The following SETDB1 variants were observed in gnomAD, a reference collection of about 807,000 sequenced individuals.
SETDB1 encodes histone-lysine N-methyltransferase SETDB1.
Under a neutral mutation model 137.4 loss-of-function variants are expected in SETDB1, and 31 were observed. The ratio of observed to expected loss-of-function variants is 0.23; its 90% CI spans 0.17 to 0.30. The LOEUF (loss-of-function observed/expected upper bound fraction) is 0.30. Ranked by LOEUF, SETDB1 falls within the 10% of genes least tolerant of loss-of-function variation. The probability of loss-of-function intolerance (pLI) is 1.00; values close to 1 mark genes in which losing one functional copy is unlikely to be tolerated. For synonymous variants in SETDB1, 548 were observed against 579.9 expected (o/e 0.95, Z 0.79); for missense variants, 1,113 against 1,631.5 (o/e 0.68, Z 5.47).
intron 9 of SETDB1, 94 bp downstream of exon 9, chr1:150,945,202 C>A: frequency 6.4e-7 from 1 of 1,552,336 alleles, no homozygotes; most frequent in Non-Finnish European, 8.7e-7. Flanking sequence ...ATTCCATAGC[C>A]TTCCTCTTTC....
Position 150,961,934 on chromosome 1 carries a change from C to T in SETDB1, c.3133-196C>T, listed in dbSNP as rs987344105. 9 of 676,394 alleles carry T rather than the reference C, an allele frequency of 1.3e-5. No homozygotes were observed. The South Asian group carries it at 1.5e-4, about 11-fold the overall frequency. The allele number at this position is 676,394 out of a possible 1,614,324, so 41.9% of individuals were successfully genotyped here. ...TTTCCATGAGCATTAAGCCCCATCA[C>T]TGAGAAGGCTTAAAGGCTCCAGCCA... On this transcript the variant is annotated intron_variant, in intron 16 of 21. Coordinates refer to ENST00000692827, the MANE Select transcript of SETDB1 (RefSeq NM_001366418.1).
At chr1:150,927,410 G>C (rs1180373098) in intron 1 of SETDB1, among the ~76,000 whole-genome samples, 3 of 152,194 alleles carry the variant, frequency 2.0e-5, no homozygotes, top group African/African-American at 7.2e-5. Context: ...ACAGGTGTAA[G>C]CCACTGTGCC....
At chr1:150,961,824 T>A (rs1029068950) in intron 16 of SETDB1, 3 of 380,098 alleles carry the variant, frequency 7.9e-6, no homozygotes, top group Non-Finnish European at 1.4e-5. Context: ...AGAATTGATT[T>A]TAAGTATCTC....
At chr1:150,959,602 T>C (rs1197645394) in intron 15 of SETDB1, among the ~76,000 whole-genome samples, 1 of 152,146 alleles carries the variant, frequency 6.6e-6, no homozygotes, top group Non-Finnish European at 1.5e-5. Context: ...ACAGACATGA[T>C]TATAGAGTCC....
chr1:150,942,620 T>C lies in SETDB1; in HGVS notation c.605T>C (p.Met202Thr), dbSNP rs368706416. 5 of 1,613,896 alleles carry C rather than the reference T, an allele frequency of 3.1e-6. No individual in the cohort carries two copies. The highest frequency in any genetic ancestry group is 1.3e-5 in the African/African-American group (1 of 74,906). The change falls in exon 6 of 22, where the codon ATG (methionine) becomes ACG (threonine). Residue 202 changes from methionine (M) to threonine (T), a missense_variant. Met to Thr is a moderately conservative substitution (Grantham distance 81). Transcript: ENST00000692827. ...AAAGATGGTGACCTGATAGTCAGCA[T>C]GCGAATTCTGGGCAAGAAGAGAACT... The part of the protein sequence containing the change: ...LSKDGDLIVS[M>T]RILGKKRTKT...
At chr1:150,956,886 G>A (rs757536784) in intron 14 of SETDB1, among the ~76,000 whole-genome samples, 1 of 152,084 alleles carries the variant, frequency 6.6e-6, no homozygotes, top group Non-Finnish European at 1.5e-5. Context: ...AGGCCGTGGT[G>A]GGGGGATGGC....
At chr1:150,929,940 C>A in intron 2 of SETDB1, 27 bp from the exon 3 acceptor site, 1 of 1,603,966 alleles carries the variant, frequency 6.2e-7, no homozygotes, top group Non-Finnish European at 8.5e-7. Flanking sequence ...CTGGCTTTGA[C>A]CTTTTCTGCA....
intron 3 of SETDB1, among the ~76,000 whole-genome samples, chr1:150,934,197 G>A (rs916023939): frequency 6.6e-6 from 1 of 152,064 alleles, no homozygotes; most frequent in Non-Finnish European, 1.5e-5. Flanking sequence ...TTTTGGCTGG[G>A]CGCGGTGGCT....
At chr1:150,948,971 G>T (rs905786531) in intron 10 of SETDB1, 151 bp from the exon 11 acceptor site, 3 of 725,714 alleles carry the variant, frequency 4.1e-6, no homozygotes, top group Non-Finnish European at 6.7e-6. Context: ...TGCCCACTTC[G>T]GCCTCCCAAA....
intron 10 of SETDB1, among the ~76,000 whole-genome samples, chr1:150,948,518 G>A (rs917297053): frequency 1.3e-4 from 20 of 151,536 alleles, no homozygotes; most frequent in African/African-American, 3.4e-4. Context: ...TGATCTGCCC[G>A]CCTCAGCCTC....
intron 3 of SETDB1, among the ~76,000 whole-genome samples, chr1:150,937,099 TG>T (rs1669969185): frequency 6.6e-6 from 1 of 151,646 alleles, no homozygotes; most frequent in Non-Finnish European, 1.5e-5. Context: ...CACTCCAGCC[TG>T]GATGACAGAG....
intron 10 of SETDB1, 71 bp downstream of exon 10, chr1:150,947,083 T>C: frequency 1.3e-6 from 2 of 1,566,020 alleles, no homozygotes; most frequent in Non-Finnish European, 1.8e-6. Flanking sequence ...ATACAATGGC[T>C]ATCCTTTGAT....
At chr1:150,927,583 A>T (rs1335889848) in intron 1 of SETDB1, 121 bp from the exon 2 acceptor site, 16 of 843,692 alleles carry the variant, frequency 1.9e-5, no homozygotes. Flanking sequence ...GAGAACATGG[A>T]ATATTTGAAT....
intron 9 of SETDB1, 71 bp from the exon 10 acceptor site, chr1:150,946,815 C>T (rs1670345281): frequency 1.9e-6 from 3 of 1,574,930 alleles, no homozygotes; most frequent in East Asian, 4.5e-5. Flanking sequence ...TGGTATATAT[C>T]CTCTACACAG....
At chr1:150,951,192 C>A in intron 13 of SETDB1, 102 bp downstream of exon 13, 1 of 1,322,924 alleles carries the variant, frequency 7.6e-7, no homozygotes, top group Non-Finnish European at 1.1e-6. Context: ...CCCCATCTTC[C>A]TTTACCTCCT....
intron 5 of SETDB1, among the ~76,000 whole-genome samples, chr1:150,941,635 C>T (rs587608926): frequency 4.6e-5 from 7 of 152,252 alleles, no homozygotes; most frequent in Non-Finnish European, 1.5e-5. Flanking sequence ...TAGGCTGTTT[C>T]CATCCTCATG....
At position 150,963,018 on chromosome 1, in the gene SETDB1, T is replaced by C; in HGVS notation, c.3339T>C (p.Ser1113=). The C allele has an allele frequency of 6.2e-7, 1 of 1,614,116 alleles. No homozygotes were observed. Among genetic ancestry groups the C allele is most frequent in the Non-Finnish European group, 8.5e-7 (1 of 1,180,010 alleles). Residue 1113 remains serine, a synonymous_variant, in exon 19 of 22, where the codon AGT becomes AGC. Transcript: ENST00000692827. ...GCAGCACAGAAAGTGAGGGGGAAAG[T>C]GGGACCAGCCGAAAGCCCACTGCTG... ...LSSSTESEGE[S]GTSRKPTAGQ... is the part of the protein sequence containing the mutation.
chr1:150,941,546 A>G, intron 5 of SETDB1, 118 bp downstream of exon 5: 1 of 623,160 alleles, frequency 1.6e-6, no homozygotes, highest in Non-Finnish European at 2.9e-6. Context: ...CTTAGTAGTT[A>G]TGAAATCCCA....
chr1:150,958,441 G>C (rs587628342), intron 14 of SETDB1, among the ~76,000 whole-genome samples: 2 of 151,624 alleles, frequency 1.3e-5, no homozygotes, highest in South Asian at 4.2e-4. Context: ...TATTAGAGAC[G>C]GGGTTTTACT....
Sources: allele counts gnomAD v4.1 joint callset (sites outside exome capture counted in the v4.1 genomes callset), GRCh38; gene constraint gnomAD v4.1.1; transcripts MANE v1.5; gene names NCBI Gene and HGNC (gene_info 2026-07-23, HGNC 2026-07-21).